The following CATSPERE variants were observed in gnomAD, a reference collection of about 807,000 sequenced individuals.
CATSPERE encodes the protein cation channel sperm-associated auxiliary subunit epsilon.
A neutral mutation model predicts 114.1 loss-of-function variants in CATSPERE; 93 were observed. The observed-to-expected ratio is 0.81, with a 90% CI of 0.69 to 0.97. CATSPERE has a LOEUF of 0.97. Ranked by LOEUF, CATSPERE falls within the 50% of genes least tolerant of loss-of-function variation. CATSPERE has a pLI of 0.00. For missense variants in CATSPERE, 1,058 were observed against 1,131.6 expected, an observed-to-expected ratio of 0.93 and a Z score of 0.93; for synonymous variants, 341 against 384.1, an observed-to-expected ratio of 0.89 and a Z score of 1.31.
At chr1:244,461,762 C>T (rs978400145) in intron 1 of CATSPERE, among the ~76,000 whole-genome samples, 1 of 152,180 alleles carries the variant, frequency 6.6e-6, no homozygotes, top group African/African-American at 2.4e-5. Flanking sequence ...CTGCTGTCCT[C>T]AGAACATCTG....
intron 20 of CATSPERE, among the ~76,000 whole-genome samples, chr1:244,628,606 T>C (rs1245273476): frequency 1.3e-5 from 2 of 152,214 alleles, no homozygotes; most frequent in African/African-American, 2.4e-5. Context: ...TTTTTCCAAG[T>C]CCTGGCCATG....
intron 5 of CATSPERE, among the ~76,000 whole-genome samples, chr1:244,481,068 A>C (rs551864549): frequency 2.6e-5 from 4 of 152,158 alleles, no homozygotes; most frequent in African/African-American, 9.6e-5. Flanking sequence ...TGACCCCAGA[A>C]ATTTGAAGTT....
At chr1:244,550,464 G>A (rs940527092) in intron 8 of CATSPERE, among the ~76,000 whole-genome samples, 1 of 152,122 alleles carries the variant, frequency 6.6e-6, no homozygotes, top group African/African-American at 2.4e-5. Flanking sequence ...AGAGCAGTTT[G>A]CCCTGTCCCG....
intron 8 of CATSPERE, among the ~76,000 whole-genome samples, chr1:244,523,258 C>T (rs1456604894): frequency 6.7e-6 from 1 of 148,506 alleles, no homozygotes; most frequent in Non-Finnish European, 1.5e-5. Flanking sequence ...TCAATAGATG[C>T]AGAAAAGGCC....
At chr1:244,581,877 CT>C (rs752048715) in intron 12 of CATSPERE, 23 bp downstream of exon 12, 1 of 1,106,898 alleles carries the variant, frequency 9.0e-7, no homozygotes, top group South Asian at 1.4e-5. Context: ...TTTAAAAGAA[CT>C]TTCTCAGTAT....
chr1:244,547,653 A>G (rs369739617), intron 8 of CATSPERE, among the ~76,000 whole-genome samples: 11 of 152,330 alleles, frequency 7.2e-5, no homozygotes, highest in African/African-American at 2.6e-4. Context: ...TGTAAGCCTC[A>G]TGGTAACCAC....
Position 244,461,279 on chromosome 1 carries a change from C to A in CATSPERE, c.-151C>A. Reference sequence around the variant, plus strand: ...GGCGCGCACGCGCACGCGCACACTTCTCCCTCGCTGGTCTTCAGGCCCGGC... The same window carrying A: ...GGCGCGCACGCGCACGCGCACACTTATCCCTCGCTGGTCTTCAGGCCCGGC... On this transcript the variant is annotated 5_prime_UTR_variant, in exon 1 of 22. Transcript: ENST00000366534. 1 of 585,866 alleles carries A rather than the reference C, an allele frequency of 1.7e-6. No individual in the cohort carries two copies. Among genetic ancestry groups the A allele is most frequent in the Non-Finnish European group, 2.5e-6 (1 of 397,156 alleles). The allele number at this position is 585,866 out of a possible 1,614,324, so 36.3% of individuals were successfully genotyped here. A position where few individuals can be genotyped will look rare whatever the true frequency, so the allele number is the denominator to read the frequency against.
chr1:244,508,644 C>T (rs1042913554), intron 7 of CATSPERE, among the ~76,000 whole-genome samples: 1 of 151,156 alleles, frequency 6.6e-6, no homozygotes. Flanking sequence ...TATTGTGCAA[C>T]TACTGAATTC....
At chr1:244,555,704 T>A (rs6684258) in intron 9 of CATSPERE, among the ~76,000 whole-genome samples, 20,296 of 152,098 alleles carry the variant, frequency 0.13, 2,440 homozygotes, top group African/African-American at 0.32. Flanking sequence ...CCACAAAAAA[T>A]TTCTTGGAAA....
intron 8 of CATSPERE, among the ~76,000 whole-genome samples, chr1:244,533,759 C>T (rs1412066095): frequency 1.3e-5 from 2 of 152,094 alleles, no homozygotes; most frequent in African/African-American, 4.8e-5. Flanking sequence ...TTGATTGGTT[C>T]ATCTTTTAGC....
chr1:244,560,682 A>C lies in CATSPERE; in HGVS notation c.1044A>C (p.Arg348Ser). Residue 348 changes from arginine to serine, a missense_variant, in exon 10 of 22, where the codon AGA becomes AGC. This residue lies in a region of CATSPERE where 787 missense variants were observed against 905.6 expected (regional missense o/e 0.87). Transcript: ENST00000366534. ...TTTTGTCACAGGCTAAAGGAAGAAG[A>C]AGCACCTTTGCAGTCTGGACAGAAA... ...VNYLLKAKGR[R>S]STFAVWTENE... 2 of 1,591,354 alleles carry C rather than the reference A, an allele frequency of 1.3e-6. No homozygotes were observed. Among genetic ancestry groups the C allele is most frequent in the Non-Finnish European group, 1.7e-6 (2 of 1,170,172 alleles).
In CATSPERE at chr1:244,633,887, C is replaced by T. The variant is rs539087535; in HGVS notation, c.2649-1602C>T. On this transcript the variant is annotated intron_variant, in intron 20 of 21. Transcript: ENST00000366534. This position sits in a 1 kb window ranked among gnomAD's most constrained non-coding sequence, Gnocchi z 4.1. ...CTCATTTTTTTTTTTTTTTTTGAGA[C>T]GGAGCCTCACTCTGTTGCCCAGGCT... Among the ~76,000 whole-genome samples the T allele has an allele frequency of 1.0e-3, 149 of 144,114 alleles. 2 individuals are homozygous for T. The highest frequency in any genetic ancestry group is 3.8e-3 in the African/African-American group (146 of 38,486). The allele number at this position is 144,114 out of a possible 152,430, so 94.5% of individuals were successfully genotyped here.
At chr1:244,459,883 C>G (rs377603486), upstream of CATSPERE, among the ~76,000 whole-genome samples, 17 of 152,304 alleles carry the variant, frequency 1.1e-4, no homozygotes, top group African/African-American at 4.1e-4. Flanking sequence ...CAGACAGTTG[C>G]AAAGCAATTC....
chr1:244,452,068 T>C (rs1208205849), upstream of CATSPERE: 1 of 324,816 alleles, frequency 3.1e-6, no homozygotes, highest in Non-Finnish European at 5.5e-6. Context: ...GAGGCCCTGG[T>C]GGCGGCAACG....
intron 9 of CATSPERE, among the ~76,000 whole-genome samples, chr1:244,555,170 A>C (rs571953417): frequency 6.6e-6 from 1 of 152,278 alleles, no homozygotes; most frequent in Admixed American, 6.5e-5. Flanking sequence ...GCAGATCATG[A>C]GGTCAGGAGT....
At chr1:244,617,487 C>A in intron 19 of CATSPERE, 42 bp from the exon 20 acceptor site, 1 of 1,421,568 alleles carries the variant, frequency 7.0e-7, no homozygotes, top group Non-Finnish European at 9.3e-7. Context: ...GTATCAAAGT[C>A]ATAAAATGAC....
intron 19 of CATSPERE, among the ~76,000 whole-genome samples, chr1:244,611,051 C>T (rs756032862): frequency 5.3e-5 from 8 of 152,162 alleles, no homozygotes; most frequent in Non-Finnish European, 7.4e-5. Context: ...TGAGCCACCG[C>T]ACCCAGCCTC....
upstream of CATSPERE, among the ~76,000 whole-genome samples, chr1:244,458,906 T>C (rs556050421): frequency 3.3e-5 from 5 of 152,240 alleles, no homozygotes; most frequent in East Asian, 7.7e-4. Flanking sequence ...TAAAGCCCAT[T>C]GGGGAATCTG....
chr1:244,591,656 C>T (rs755669817), intron 14 of CATSPERE, 25 bp from the exon 15 acceptor site: 10 of 1,360,780 alleles, frequency 7.3e-6, no homozygotes, highest in Non-Finnish European at 1.0e-5. Flanking sequence ...GATATTTCAA[C>T]TTCATTATGT....
Sources: gnomAD v4.1 joint callset for allele counts (sites outside exome capture counted in the v4.1 genomes callset) on GRCh38, gnomAD v4.1.1 for gene constraint, gnomAD v4.1.1 regional missense constraint, Gnocchi (gnomAD v3.1) non-coding constraint, MANE v1.5 for transcripts, NCBI Gene and HGNC (gene_info 2026-07-23, HGNC 2026-07-21) for gene names.